RAPGEF4: variants seen among roughly 807,000 people sequenced by gnomAD.
RAPGEF4 encodes the protein RAP guanine-nucleotide-exchange factor (GEF) 4.
A neutral mutation model predicts 147.9 loss-of-function variants in RAPGEF4; 66 were observed. That is an observed-to-expected ratio of 0.45 (90% confidence interval 0.37 to 0.55). The LOEUF is 0.55. RAPGEF4 is among the 20% of genes least tolerant of loss of function. The probability of loss-of-function intolerance (pLI) is 0.00; values close to 1 mark genes in which losing one functional copy is unlikely to be tolerated. For synonymous variants in RAPGEF4, 419 were observed against 442.7 expected, an observed-to-expected ratio of 0.95 and a Z score of 0.67; for missense variants, 1,071 against 1,257.3, an observed-to-expected ratio of 0.85 and a Z score of 2.24.
At chr2:172,917,253 A>G (rs1045107812) in intron 4 of RAPGEF4, among the ~76,000 whole-genome samples, 2 of 152,252 alleles carry the variant, frequency 1.3e-5, no homozygotes, top group African/African-American at 2.4e-5. Flanking sequence ...TATTTGACAC[A>G]TAGCAAAAGT....
At position 173,016,579 on chromosome 2, in the gene RAPGEF4, G is replaced by C. The variant is rs962767972; in HGVS notation, c.1898+142G>C. The C allele has an allele frequency of 4.6e-6, 3 of 658,252 alleles. No homozygotes were observed. In the African/African-American group the frequency reaches 5.4e-5, roughly 12 times the overall value. The allele number at this position is 658,252 out of a possible 1,614,324, so 40.8% of individuals were successfully genotyped here. A position where few individuals can be genotyped will look rare whatever the true frequency, so the allele number is the denominator to read the frequency against. The stretch of plus-strand genomic sequence containing the variant: ...TTAAGCAGACTGGGCTGAGGGCATA[G>C]GTGGTGCAGTAAGGCCAGAGGAACA... On this transcript the variant is annotated intron_variant, in intron 19 of 30. Transcript: ENST00000397081.
At chr2:172,758,778 G>C (rs1174253000) in intron 1 of RAPGEF4, among the ~76,000 whole-genome samples, 1 of 152,212 alleles carries the variant, frequency 6.6e-6, no homozygotes, top group Non-Finnish European at 1.5e-5. Context: ...TTGAGTTTGA[G>C]ATACCTATTA....
chr2:172,769,481 A>G (rs1464427997), intron 1 of RAPGEF4, among the ~76,000 whole-genome samples: 2 of 152,136 alleles, frequency 1.3e-5, no homozygotes, highest in Admixed American at 6.5e-5. Context: ...GTATGCATCA[A>G]TTTCCCCTGG....
chr2:172,820,430 G>A (rs1259829502), intron 4 of RAPGEF4, among the ~76,000 whole-genome samples: 3 of 152,264 alleles, frequency 2.0e-5, no homozygotes, highest in Middle Eastern at 6.8e-3. Flanking sequence ...AAAAATAAAA[G>A]CAATGTTTTC....
intron 4 of RAPGEF4, among the ~76,000 whole-genome samples, chr2:172,872,225 TA>T: frequency 6.6e-6 from 1 of 152,350 alleles, no homozygotes; most frequent in South Asian, 2.1e-4. Context: ...GGTTCTTTAC[TA>T]GTTCTTTTAG....
At chr2:173,021,105 A>G (rs1421015784) in intron 23 of RAPGEF4, among the ~76,000 whole-genome samples, 1 of 152,220 alleles carries the variant, frequency 6.6e-6, no homozygotes, top group African/African-American at 2.4e-5. Context: ...CATCTGATCT[A>G]AGAGAAATGC....
chr2:172,916,524 T>C (rs1369739177), intron 4 of RAPGEF4, among the ~76,000 whole-genome samples: 1 of 152,024 alleles, frequency 6.6e-6, no homozygotes, highest in Non-Finnish European at 1.5e-5. Context: ...AGAATCAGAA[T>C]TAAGAAATGA....
At chr2:172,845,903 T>C (rs16860975) in intron 4 of RAPGEF4, among the ~76,000 whole-genome samples, 17,282 of 152,098 alleles carry the variant, frequency 0.11, 1,018 homozygotes, top group South Asian at 0.18. Flanking sequence ...AAGTAGGCTT[T>C]TCAGGACAGC....
chr2:172,773,919 G>A (rs1683900348), intron 1 of RAPGEF4, among the ~76,000 whole-genome samples: 1 of 152,168 alleles, frequency 6.6e-6, no homozygotes, highest in Non-Finnish European at 1.5e-5. Context: ...GATCTGCAGA[G>A]AAGTGGAAGA....
chr2:172,886,468 A>G (rs184566515), intron 4 of RAPGEF4, among the ~76,000 whole-genome samples: 64 of 152,364 alleles, frequency 4.2e-4, no homozygotes, highest in African/African-American at 1.3e-3. Context: ...AGCACTCGGC[A>G]TAGTCCCTGA....
intron 6 of RAPGEF4, among the ~76,000 whole-genome samples, chr2:172,954,739 C>T (rs1157766552): frequency 2.0e-5 from 3 of 152,146 alleles, no homozygotes; most frequent in Non-Finnish European, 4.4e-5. Flanking sequence ...GAATATAGCT[C>T]CTAAAAGTAT....
chr2:173,036,616 A>G lies in RAPGEF4; in HGVS notation c.2789-12A>G. The stretch of plus-strand genomic sequence containing the variant: ...CATTAGTGATTAGAATGTGGCTTTT[A>G]TTTCTTTACAGATATGACATTTACT... On this transcript the variant is annotated splice_polypyrimidine_tract_variant and intron_variant, in intron 28 of 30. Coordinates refer to ENST00000397081, the MANE Select transcript of RAPGEF4 (RefSeq NM_007023.4). 1 of 1,592,066 alleles carries G rather than the reference A, an allele frequency of 6.3e-7. No homozygotes were observed.
intron 1 of RAPGEF4, among the ~76,000 whole-genome samples, chr2:172,788,279 A>G (rs1164499746): frequency 6.6e-6 from 1 of 152,232 alleles, no homozygotes. Context: ...CCAAGAAAAA[A>G]TTTACATGCA....
chr2:172,920,506 A>T (rs1440005649), intron 5 of RAPGEF4, among the ~76,000 whole-genome samples: 1 of 152,144 alleles, frequency 6.6e-6, no homozygotes, highest in African/African-American at 2.4e-5. Context: ...AATGTTAGAC[A>T]GTCTCCTTCC....
intron 4 of RAPGEF4, among the ~76,000 whole-genome samples, chr2:172,912,721 C>T (rs543047880): frequency 6.6e-6 from 1 of 152,262 alleles, no homozygotes; most frequent in African/African-American, 2.4e-5. Flanking sequence ...TAAGAGAAAG[C>T]AGCTGCCACG....
intron 1 of RAPGEF4, 62 bp downstream of exon 1, chr2:172,736,110 C>T: frequency 1.6e-6 from 2 of 1,289,138 alleles, no homozygotes; most frequent in Non-Finnish European, 1.0e-6. Context: ...GCCCTGAGAC[C>T]GCCGCAGCTC....
intron 1 of RAPGEF4, among the ~76,000 whole-genome samples, chr2:172,768,018 G>T (rs1398540892): frequency 6.6e-6 from 1 of 151,950 alleles, no homozygotes; most frequent in Non-Finnish European, 1.5e-5. Context: ...CGTCATGTTG[G>T]CCAGGCTGGT....
chr2:172,886,923 C>G (rs1220095687), intron 4 of RAPGEF4, among the ~76,000 whole-genome samples: 1 of 152,170 alleles, frequency 6.6e-6, no homozygotes, highest in East Asian at 1.9e-4. Flanking sequence ...CGCGGTGGCT[C>G]TTGCCTGTAA....
At chr2:173,026,891 T>A (rs1160579978) in intron 24 of RAPGEF4, among the ~76,000 whole-genome samples, 190 bp from the exon 25 acceptor site, 1 of 152,216 alleles carries the variant, frequency 6.6e-6, no homozygotes, top group Non-Finnish European at 1.5e-5. Flanking sequence ...GTATGCCGTG[T>A]CTTCCTGTGT....
Sources: allele counts gnomAD v4.1 joint callset (sites outside exome capture counted in the v4.1 genomes callset), GRCh38; gene constraint gnomAD v4.1.1; transcripts MANE v1.5; gene names NCBI Gene and HGNC (gene_info 2026-07-23, HGNC 2026-07-21).